Variants in EML4 observed in about 807,000 individuals in gnomAD.
EML4 encodes the protein echinoderm microtubule-associated protein-like 4.
EML4 carries 72 observed loss-of-function variants against 129.0 expected under a neutral mutation model. The ratio of observed to expected loss-of-function variants is 0.56; its 90% CI spans 0.46 to 0.68. The LOEUF (loss-of-function observed/expected upper bound fraction) is 0.68. Among genes scored for constraint, EML4 ranks in the 30% least tolerant of loss-of-function variants. The pLI is 0.00. For missense variants in EML4, 1,363 were observed against 1,190.6 expected (o/e 1.14, Z -2.13); for synonymous variants, 532 against 405.0 (o/e 1.31, Z -3.77).
Position 42,184,371 on chromosome 2 carries a change from C to G in EML4, c.25+14735C>G, listed in dbSNP as rs546292241. ...TTAACATTAGGTATATCTCCTAATGCTATCCCTCCCCCCTCCCCCCACCCC... is the reference window on the plus strand; with the variant it reads ...TTAACATTAGGTATATCTCCTAATGGTATCCCTCCCCCCTCCCCCCACCCC... On this transcript the variant is annotated intron_variant, in intron 1 of 22. Coordinates refer to ENST00000318522, the MANE Select transcript of EML4 (RefSeq NM_019063.5). Among the ~76,000 whole-genome samples the G allele has an allele frequency of 9.8e-3, 1,422 of 145,218 alleles. 35 individuals are homozygous for G. Among genetic ancestry groups the G allele is most frequent in the African/African-American group, 0.034 (1,325 of 38,906 alleles).
At chr2:42,265,089 T>TCAA in intron 6 of EML4, 2 of 832,954 alleles carry the variant, frequency 2.4e-6, no homozygotes, top group Non-Finnish European at 3.8e-6. Flanking sequence ...TGAATCCAGC[T>TCAA]ACATTTTACT....
At chr2:42,320,633 C>G (rs752820441) in intron 19 of EML4, among the ~76,000 whole-genome samples, 10 of 152,086 alleles carry the variant, frequency 6.6e-5, no homozygotes, top group Non-Finnish European at 1.3e-4. Context: ...TATTAAAATT[C>G]AAAAATAGTT....
chr2:42,208,580 C>T lies in EML4; in HGVS notation c.26-36925C>T, dbSNP rs371066883. ...CTCCAAGTAGCTGAGATTACAGGCA[C>T]CTGCCACCGCACCCGGCTAATTTTT... On this transcript the variant is annotated intron_variant, in intron 1 of 22. Transcript: ENST00000318522. Among the ~76,000 whole-genome samples the T allele has an allele frequency of 1.2e-4, 18 of 151,594 alleles. No homozygotes were observed. In the South Asian group the frequency reaches 3.1e-3, roughly 26 times the overall value.
chr2:42,302,192 G>C (rs1359961756), intron 14 of EML4, among the ~76,000 whole-genome samples: 1 of 151,950 alleles, frequency 6.6e-6, no homozygotes, highest in Non-Finnish European at 1.5e-5. Flanking sequence ...AATTTACAGA[G>C]AACTTCCACA....
intron 1 of EML4, among the ~76,000 whole-genome samples, chr2:42,236,313 C>T (rs7557696): frequency 0.016 from 2,491 of 152,174 alleles, 73 homozygotes; most frequent in African/African-American, 0.057. Context: ...ACAATTTACC[C>T]GTTTTACAAT....
chr2:42,272,204 G>C lies in EML4; in HGVS notation c.667+7473G>C, dbSNP rs1401089035. On this transcript the variant is annotated intron_variant, in intron 6 of 22. Coordinates refer to ENST00000318522, the MANE Select transcript of EML4 (RefSeq NM_019063.5). Reference sequence around the variant, plus strand: ...AGAATGCTAAAATTTGTGATTAGCTGTAGCCAGGAAGAGTTGCGGTTGATC... The same window carrying C: ...AGAATGCTAAAATTTGTGATTAGCTCTAGCCAGGAAGAGTTGCGGTTGATC... Among the ~76,000 whole-genome samples the C allele has an allele frequency of 2.0e-5, 3 of 151,910 alleles. No individual in the cohort carries two copies. In the East Asian group the frequency reaches 5.8e-4, roughly 29 times the overall value.
At chr2:42,184,303 A>C in intron 1 of EML4, among the ~76,000 whole-genome samples, 1 of 151,966 alleles carries the variant, frequency 6.6e-6, no homozygotes, top group Non-Finnish European at 1.5e-5. Flanking sequence ...TTACATATGT[A>C]TACATGTGCC....
intron 1 of EML4, among the ~76,000 whole-genome samples, chr2:42,223,966 T>G (rs896702447): frequency 2.0e-5 from 3 of 152,116 alleles, no homozygotes; most frequent in African/African-American, 7.2e-5. Context: ...TAAATTCTAT[T>G]TATACCTTCT....
chr2:42,277,292 A>G (rs1343359290), intron 6 of EML4, among the ~76,000 whole-genome samples: 5 of 152,234 alleles, frequency 3.3e-5, no homozygotes, highest in Non-Finnish European at 7.3e-5. Flanking sequence ...TAAAAGAGTA[A>G]ACTATACAAA....
chr2:42,181,295 A>T (rs1406196231), intron 1 of EML4, among the ~76,000 whole-genome samples: 9 of 151,536 alleles, frequency 5.9e-5, no homozygotes, highest in Non-Finnish European at 8.8e-5. Context: ...TTATTTTTTT[A>T]TTTTTATTTT....
At chr2:42,218,496 A>G (rs368207827) in intron 1 of EML4, among the ~76,000 whole-genome samples, 2 of 152,170 alleles carry the variant, frequency 1.3e-5, no homozygotes, top group Non-Finnish European at 2.9e-5. Flanking sequence ...TGTCCCTGGT[A>G]TCAAAAAGTT....
chr2:42,173,458 A>G (rs912352939), intron 1 of EML4, among the ~76,000 whole-genome samples: 1 of 152,350 alleles, frequency 6.6e-6, no homozygotes, highest in East Asian at 1.9e-4. Context: ...ATGGATTAAC[A>G]TCGAACATGG....
intron 1 of EML4, among the ~76,000 whole-genome samples, chr2:42,191,303 A>T (rs1322771430): frequency 6.6e-6 from 1 of 152,054 alleles, no homozygotes; most frequent in Non-Finnish European, 1.5e-5. Context: ...TTCTCTCTAT[A>T]TGTTGGCTTT....
In EML4 at chr2:42,301,538, C is replaced by A. The variant is rs1056552044; in HGVS notation, c.1641+146C>A. 4 of 574,344 alleles carry A rather than the reference C, an allele frequency of 7.0e-6. No homozygotes were observed. The East Asian group carries it at 1.4e-4, about 20-fold the overall frequency. 35.6% of individuals were successfully genotyped at this position (574,344 alleles called of 1,614,324 possible). On this transcript the variant is annotated intron_variant, in intron 14 of 22. Transcript: ENST00000318522. ...TCCTCAAGAAAGGAGTTTGTTGTTG[C>A]CTTTAAGATAACTTTTTTCAAAAAA...
intron 19 of EML4, among the ~76,000 whole-genome samples, chr2:42,321,864 C>T (rs1384967782): frequency 6.6e-6 from 1 of 152,142 alleles, no homozygotes; most frequent in Non-Finnish European, 1.5e-5. Flanking sequence ...TGAGAATAAA[C>T]ATAGCAACAA....
intron 1 of EML4, among the ~76,000 whole-genome samples, chr2:42,208,969 A>G (rs1050558344): frequency 1.1e-4 from 16 of 151,192 alleles, no homozygotes; most frequent in African/African-American, 3.6e-4. Flanking sequence ...CAAATTGTCT[A>G]CTCCTAGCTT....
intron 1 of EML4, among the ~76,000 whole-genome samples, chr2:42,232,862 C>T (rs1041746221): frequency 6.6e-6 from 1 of 151,878 alleles, no homozygotes; most frequent in East Asian, 1.9e-4. Flanking sequence ...GTAGCTGGGA[C>T]TACAGGCGCC....
At chr2:42,222,385 A>G (rs1446824298) in intron 1 of EML4, among the ~76,000 whole-genome samples, 1 of 152,180 alleles carries the variant, frequency 6.6e-6, no homozygotes, top group Non-Finnish European at 1.5e-5. Flanking sequence ...ATGGTTGGAA[A>G]AAATCAAAAG....
chr2:42,171,956 A>G (rs1473654787), intron 1 of EML4, among the ~76,000 whole-genome samples: 1 of 152,148 alleles, frequency 6.6e-6, no homozygotes, highest in Non-Finnish European at 1.5e-5. Flanking sequence ...TGTTCTCTGC[A>G]GTTAATTAGC....
Sources: allele counts gnomAD v4.1 joint callset (sites outside exome capture counted in the v4.1 genomes callset), GRCh38; gene constraint gnomAD v4.1.1; transcripts MANE v1.5; gene names NCBI Gene and HGNC (gene_info 2026-07-23, HGNC 2026-07-21).